FSTL5: variants seen among roughly 807,000 people sequenced by gnomAD.
FSTL5 encodes follistatin-related protein 5.
FSTL5 carries 62 observed loss-of-function variants against 89.1 expected under a neutral mutation model. The observed-to-expected ratio is 0.70, with a 90% CI of 0.57 to 0.86. The LOEUF (loss-of-function observed/expected upper bound fraction) is 0.86. FSTL5 is among the 40% of genes least tolerant of loss of function. The pLI is 0.00. For synonymous variants in FSTL5, 383 were observed against 346.2 expected (o/e 1.11, Z -1.18); for missense variants, 1,057 against 1,001.6 (o/e 1.06, Z -0.75).
At chr4:161,394,358 C>T (rs1374219752) in intron 15 of FSTL5, among the ~76,000 whole-genome samples, 1 of 152,166 alleles carries the variant, frequency 6.6e-6, no homozygotes, top group Admixed American at 6.5e-5. Flanking sequence ...TTACTGCAAC[C>T]TCCACCTTCT....
intron 3 of FSTL5, among the ~76,000 whole-genome samples, chr4:162,015,706 G>T (rs1736897376): frequency 6.6e-6 from 1 of 152,080 alleles, no homozygotes; most frequent in Non-Finnish European, 1.5e-5. Context: ...AAACTGTGAG[G>T]GCCAGGTTGG....
At chr4:162,147,269 TTAGTTTC>T (rs1733039660) in intron 1 of FSTL5, among the ~76,000 whole-genome samples, 1 of 152,124 alleles carries the variant, frequency 6.6e-6, no homozygotes, top group African/African-American at 2.4e-5. Flanking sequence ...AATTAGTTTC[TTAGTTTC>T]TAAGTTAAGA....
chr4:161,891,739 C>T (rs369708159), intron 4 of FSTL5, among the ~76,000 whole-genome samples: 101 of 152,130 alleles, frequency 6.6e-4, no homozygotes, highest in African/African-American at 2.4e-3. Context: ...CATAATTTAT[C>T]CAGCTTGGAA....
chr4:161,590,079 G>T (rs1299172388), intron 7 of FSTL5, among the ~76,000 whole-genome samples: 2 of 152,010 alleles, frequency 1.3e-5, no homozygotes, highest in African/African-American at 2.4e-5. Flanking sequence ...ACATACCAAA[G>T]AAAAATAGGT....
intron 1 of FSTL5, among the ~76,000 whole-genome samples, chr4:162,153,627 T>C (rs925666909): frequency 3.2e-4 from 44 of 138,972 alleles, no homozygotes; most frequent in African/African-American, 1.1e-3. Context: ...ATTATATATG[T>C]ATATAATAAT....
At chr4:161,710,744 C>CTTCTATCT (rs1334473521) in intron 6 of FSTL5, among the ~76,000 whole-genome samples, 1 of 152,138 alleles carries the variant, frequency 6.6e-6, no homozygotes, top group Non-Finnish European at 1.5e-5. Flanking sequence ...GAATGCAATG[C>CTTCTATCT]TTCTATCTTA....
chr4:161,986,251 T>C (rs1485374706), intron 3 of FSTL5, among the ~76,000 whole-genome samples: 1 of 152,072 alleles, frequency 6.6e-6, no homozygotes, highest in Non-Finnish European at 1.5e-5. Flanking sequence ...ATATATTTCT[T>C]TAAAAAATAA....
intron 8 of FSTL5, among the ~76,000 whole-genome samples, chr4:161,571,477 A>G (rs1415672333): frequency 6.6e-6 from 1 of 152,158 alleles, no homozygotes; most frequent in African/African-American, 2.4e-5. Context: ...GTCCACATCA[A>G]AAAGAAGGCT....
intron 3 of FSTL5, among the ~76,000 whole-genome samples, chr4:161,976,912 T>C (rs1052873618): frequency 2.0e-5 from 3 of 152,216 alleles, no homozygotes; most frequent in African/African-American, 7.2e-5. Flanking sequence ...ATTGAAACTT[T>C]GTTGATATCA....
chr4:162,143,748 A>ACACACACAC (rs1363446909), intron 1 of FSTL5, among the ~76,000 whole-genome samples: 4,374 of 127,680 alleles, frequency 0.034, 134 homozygotes, highest in Non-Finnish European at 0.044. Flanking sequence ...ACACACACAC[A>ACACACACAC]CCCAGGAAAA....
In FSTL5 at chr4:161,386,058, G is replaced by A; in HGVS notation, c.2233C>T (p.Gln745Ter). 6.2e-7 allele frequency: 1 copy of A among 1,614,054 alleles called. No individual in the cohort carries two copies. The highest frequency in any genetic ancestry group is 8.5e-7 in the Non-Finnish European group (1 of 1,179,974). ...TGGTGGGCTTCAGTAAAGGATGGTT[G>A]AAATGCCAGATCAGATATGTGCAGA... ...TNLHISDLAFQPSFTEAHQYN... is the reference protein window; with the variant it reads ...TNLHISDLAF The change falls in exon 16 of 16, where the codon CAA (glutamine) becomes TAA (stop). Residue 745 changes from glutamine (Q) to a stop codon, truncating the protein, a stop_gained. Transcript: ENST00000306100. LOFTEE classifies it high-confidence loss of function.
At chr4:161,751,134 A>G (rs985600260) in intron 6 of FSTL5, among the ~76,000 whole-genome samples, 2 of 152,158 alleles carry the variant, frequency 1.3e-5, no homozygotes, top group Non-Finnish European at 2.9e-5. Context: ...TAAAGGCACA[A>G]TAGTGGTATC....
chr4:161,827,995 T>C (rs773568539), intron 4 of FSTL5, among the ~76,000 whole-genome samples: 1 of 152,152 alleles, frequency 6.6e-6, no homozygotes, highest in East Asian at 1.9e-4. Context: ...TCAGTCGAAA[T>C]TGTTACAAAG....
At chr4:162,025,519 G>A (rs1560976826) in intron 3 of FSTL5, among the ~76,000 whole-genome samples, 1 of 151,944 alleles carries the variant, frequency 6.6e-6, no homozygotes, top group Non-Finnish European at 1.5e-5. Flanking sequence ...TGGGATAAAG[G>A]ATTATGTAGA....
intron 7 of FSTL5, among the ~76,000 whole-genome samples, chr4:161,598,404 A>AAAC (rs1734109463): frequency 6.6e-6 from 1 of 151,142 alleles, no homozygotes; most frequent in East Asian, 1.9e-4. Flanking sequence ...ACAAACAAAC[A>AAAC]AAACGCATGT....
At position 161,694,788 on chromosome 4, in the gene FSTL5, G is replaced by T. The variant is rs560520151; in HGVS notation, c.728-38294C>A. On this transcript the variant is annotated intron_variant, in intron 6 of 15. Transcript: ENST00000306100. Reference sequence around the variant, plus strand: ...TTCTCTATTCCCAGGGATTGCTGGTGTTATTGTTAATGGGTGCAGTTGTTC... The same window carrying T: ...TTCTCTATTCCCAGGGATTGCTGGTTTTATTGTTAATGGGTGCAGTTGTTC... Among the ~76,000 whole-genome samples the T allele has an allele frequency of 5.1e-5, 7 of 138,370 alleles. No homozygotes were observed. The South Asian group carries it at 1.6e-3, about 32-fold the overall frequency. 90.8% of individuals were successfully genotyped at this position (138,370 alleles called of 152,430 possible).
chr4:161,829,213 A>G (rs1308233215), intron 4 of FSTL5, among the ~76,000 whole-genome samples: 1 of 149,054 alleles, frequency 6.7e-6, no homozygotes, highest in Non-Finnish European at 1.5e-5. Flanking sequence ...TTATATAAAT[A>G]CATTCATCTG....
At chr4:161,795,082 A>G (rs1294740670) in intron 4 of FSTL5, among the ~76,000 whole-genome samples, 2 of 151,940 alleles carry the variant, frequency 1.3e-5, no homozygotes, top group Non-Finnish European at 2.9e-5. Flanking sequence ...TATTTATTGA[A>G]TACCTTAATA....
At chr4:161,445,869 C>T (rs17041054) in intron 15 of FSTL5, among the ~76,000 whole-genome samples, 11,728 of 151,144 alleles carry the variant, frequency 0.078, 596 homozygotes, top group African/African-American at 0.14. Flanking sequence ...TTGTTCAAAA[C>T]GAAAAGCAAG....
Sources: allele counts gnomAD v4.1 joint callset (sites outside exome capture counted in the v4.1 genomes callset), GRCh38; gene constraint gnomAD v4.1.1; transcripts MANE v1.5; gene names NCBI Gene and HGNC (gene_info 2026-07-23, HGNC 2026-07-21).